Variants in CEP120 observed in about 807,000 individuals in gnomAD.
CEP120 encodes the protein centrosomal protein 120.
Under a neutral mutation model 126.5 loss-of-function variants are expected in CEP120, and 113 were observed. The observed-to-expected ratio is 0.89, with a 90% CI of 0.77 to 1.04. The LOEUF is 1.04. Among genes scored for constraint, CEP120 ranks in the 50% least tolerant of loss-of-function variants. The pLI is 0.00. For missense variants in CEP120, 1,230 were observed against 1,155.7 expected (o/e 1.06, Z -0.93); for synonymous variants, 400 against 394.3 (o/e 1.01, Z -0.17).
rs936508930 is a variant in CEP120 at position 123,392,321 on chromosome 5, A to G, written c.810+979T>C. 3.3e-5 allele frequency among the ~76,000 whole-genome samples: 5 copies of G among 152,330 alleles called. No homozygotes were observed. In the South Asian group the frequency reaches 6.2e-4, roughly 19 times the overall value. ...TTTTATATAGTCTTCAGTTTTCTAAATATCTTGGGTTTAGCAGAATCATCT... is the reference window on the plus strand; with the variant it reads ...TTTTATATAGTCTTCAGTTTTCTAAGTATCTTGGGTTTAGCAGAATCATCT... On this transcript the variant is annotated intron_variant, in intron 6 of 19. Transcript: ENST00000306467.
At chr5:123,361,375 T>C (rs1299749141) in intron 18 of CEP120, among the ~76,000 whole-genome samples, 1 of 151,802 alleles carries the variant, frequency 6.6e-6, no homozygotes, top group Admixed American at 6.6e-5. Flanking sequence ...TCAGTCCTCC[T>C]AGGTGAACAA....
At chr5:123,366,907 C>T (rs1035272478) in intron 17 of CEP120, among the ~76,000 whole-genome samples, 2 of 151,766 alleles carry the variant, frequency 1.3e-5, no homozygotes, top group African/African-American at 4.8e-5. Flanking sequence ...GGTTTGTGTC[C>T]CCTGTGCCTT....
intron 4 of CEP120, among the ~76,000 whole-genome samples, chr5:123,411,411 T>C (rs1304167912): frequency 1.3e-5 from 2 of 152,198 alleles, no homozygotes; most frequent in Non-Finnish European, 2.9e-5. Context: ...GTACCTTTAT[T>C]TATAATTGCC....
chr5:123,361,975 C>T (rs1474456411), intron 18 of CEP120, among the ~76,000 whole-genome samples: 1 of 151,734 alleles, frequency 6.6e-6, no homozygotes, highest in Non-Finnish European at 1.5e-5. Context: ...GACTCCAGGG[C>T]CATGTTCTTA....
intron 11 of CEP120, 91 bp from the exon 12 acceptor site, chr5:123,383,173 TA>T: frequency 1.3e-6 from 1 of 743,516 alleles, no homozygotes; most frequent in Non-Finnish European, 2.2e-6. Context: ...CAATGGGAAG[TA>T]AGCAACATTT....
rs189565967 is a variant in CEP120, at chr5:123,364,282, T to C, written c.2580+214A>G. On this transcript the variant is annotated intron_variant, in intron 18 of 19. Transcript: ENST00000306467. ...AGTTTCTTCTGAGGAAAGGGATAGC[T>C]GGCAATTTTTTTTAAAAGACATAAT... 1.4e-3 allele frequency among the ~76,000 whole-genome samples: 218 copies of C among 151,674 alleles called. 3 individuals carry two copies. Among genetic ancestry groups the C allele is most frequent in the Middle Eastern group, 3.4e-3 (1 of 294 alleles).
intron 3 of CEP120, among the ~76,000 whole-genome samples, chr5:123,412,804 A>G (rs1774148567): frequency 6.6e-6 from 1 of 152,230 alleles, no homozygotes; most frequent in Admixed American, 6.5e-5. Context: ...AAAGGAAGAA[A>G]GCATAATATA....
At position 123,393,337 on chromosome 5, in the gene CEP120, A is replaced by G; in HGVS notation, c.773T>C (p.Ile258Thr). ...CTGAAGAGCCAGGTAAACACGAAGA[A>G]TTTCTACACTGCTACGGATGCGAAC... is the stretch of plus-strand genomic sequence containing the variant. ...ASVRIRSSVE[I>T]LRVYLALQSK... Residue 258 changes from isoleucine to threonine, a missense_variant, in exon 6 of 20, where the codon ATT (isoleucine) becomes ACT (threonine). Physicochemically the swap from Ile to Thr is moderately conservative, Grantham distance 89 (BLOSUM62 -1). Coordinates refer to ENST00000306467, the MANE Select transcript of CEP120 (RefSeq NM_001375405.1). The G allele has an allele frequency of 6.2e-7, 1 of 1,614,162 alleles. No homozygotes were observed. The highest frequency in any genetic ancestry group is 8.5e-7 in the Non-Finnish European group (1 of 1,180,006).
intron 4 of CEP120, among the ~76,000 whole-genome samples, chr5:123,406,393 C>CAAA (rs34705532): frequency 1.5e-5 from 2 of 131,630 alleles, no homozygotes; most frequent in African/African-American, 2.8e-5. Context: ...GGATAAATGC[C>CAAA]AAAAAAAAAA....
chr5:123,377,840 GTTTCT>G (rs1771345961), intron 15 of CEP120, among the ~76,000 whole-genome samples: 1 of 152,106 alleles, frequency 6.6e-6, no homozygotes, highest in South Asian at 2.1e-4. Flanking sequence ...ATATGCCCAA[GTTTCT>G]TTTCTTCTTT....
chr5:123,365,809 T>C (rs1025114208), intron 17 of CEP120, among the ~76,000 whole-genome samples: 1 of 151,378 alleles, frequency 6.6e-6, no homozygotes, highest in African/African-American at 2.4e-5. Flanking sequence ...GATAAGAGGA[T>C]AGTATTCAAT....
intron 1 of CEP120, chr5:123,422,422 A>G (rs1014276466): frequency 8.3e-7 from 1 of 1,198,372 alleles, no homozygotes; most frequent in African/African-American, 1.5e-5. Context: ...AGTGTCTGAC[A>G]CTCAATGAGT....
At chr5:123,402,236 T>C (rs1328586679) in intron 4 of CEP120, 7 of 1,512,460 alleles carry the variant, frequency 4.6e-6, no homozygotes, top group Non-Finnish European at 6.4e-6. Context: ...GGGAGAAGCT[T>C]GAGGAGCTGA....
chr5:123,370,754 A>G (rs1770800767), intron 17 of CEP120, among the ~76,000 whole-genome samples: 1 of 147,808 alleles, frequency 6.8e-6, no homozygotes, highest in Non-Finnish European at 1.5e-5. Flanking sequence ...ATTATAATAT[A>G]TATTTTATAT....
Position 123,390,057 on chromosome 5 carries a change from T to G in CEP120, c.1122A>C (p.Thr374=), listed in dbSNP as rs372737011. The G allele has an allele frequency of 3.0e-5, 49 of 1,613,976 alleles. No homozygotes were observed. The highest frequency in any genetic ancestry group is 1.6e-4 in the Middle Eastern group (1 of 6,082). ...CTGTTGGTGATTTTGGCCCAGTAAGTGTCTTCTCCTTTATGGGGGTTAAAA... is the reference window on the plus strand; with the variant it reads ...CTGTTGGTGATTTTGGCCCAGTAAGGGTCTTCTCCTTTATGGGGGTTAAAA... The part of the protein sequence containing the change: ...KKVLTPIKEK[T]LTGPKSPTVS... Residue 374 remains threonine, a synonymous_variant, in exon 8 of 20, where the codon ACA becomes ACC. Coordinates refer to ENST00000306467, the MANE Select transcript of CEP120 (RefSeq NM_001375405.1).
chr5:123,402,245 G>T, intron 4 of CEP120: 1 of 1,498,708 alleles, frequency 6.7e-7, no homozygotes, highest in African/African-American at 1.4e-5. Context: ...TTGAGGAGCT[G>T]ATGTGGGCAC....
chr5:123,390,020 G>C lies in CEP120; in HGVS notation c.1159C>G (p.Pro387Ala). The C allele has an allele frequency of 1.2e-6, 2 of 1,614,106 alleles. No homozygotes were observed. The highest frequency in any genetic ancestry group is 1.1e-5 in the South Asian group (1 of 91,080). The change falls in exon 8 of 20, where the codon CCA becomes GCA. Residue 387 changes from proline to alanine, a missense_variant. Transcript: ENST00000306467. ...GPKSPTVSPV[P>A]SHNQSPPTKD... ...GTTGGAGGTGACTGGTTGTGAGATGGAACAGGGGACACTGTTGGTGATTTT... is the reference window on the plus strand; with the variant it reads ...GTTGGAGGTGACTGGTTGTGAGATGCAACAGGGGACACTGTTGGTGATTTT...
chr5:123,414,155 A>AC (rs1406915001), intron 3 of CEP120, among the ~76,000 whole-genome samples: 2 of 152,120 alleles, frequency 1.3e-5, no homozygotes, highest in Admixed American at 6.5e-5. Flanking sequence ...TCCCTCAGAT[A>AC]CCCCCCTAAG....
rs749655305 is a variant in CEP120, at chr5:123,382,760, G to T, written c.1990C>A (p.Gln664Lys). ...ACCTGATTTTCAAATATATCTTCTT[G>T]CATCTCCTTCCACATTTCTAGCTCA... ...ALELEMWKEM[Q>K]EDIFENQLKQ... Residue 664 changes from glutamine (Q) to lysine (K), a missense_variant, in exon 13 of 20, where the codon CAA becomes AAA. Physicochemically the swap from Gln to Lys is moderately conservative, Grantham distance 53. Transcript: ENST00000306467. 1.6e-5 allele frequency: 26 copies of T among 1,612,040 alleles called. No individual in the cohort carries two copies. In the Admixed American group the frequency reaches 4.2e-4, roughly 26 times the overall value.
Sources: allele counts gnomAD v4.1 joint callset (sites outside exome capture counted in the v4.1 genomes callset), GRCh38; gene constraint gnomAD v4.1.1; transcripts MANE v1.5; gene names NCBI Gene and HGNC (gene_info 2026-07-23, HGNC 2026-07-21).